Variants in PSMA6 observed in about 807,000 individuals in gnomAD.
The protein encoded by PSMA6 is proteasome 20S subunit alpha 6.
For missense variants in PSMA6, 170 were observed against 294.8 expected, an observed-to-expected ratio of 0.58 and a Z score of 3.10; for synonymous variants, 88 against 97.7, an observed-to-expected ratio of 0.90 and a Z score of 0.59.
upstream of PSMA6, among the ~76,000 whole-genome samples, chr14:35,287,450 C>T (rs2051431994): frequency 6.6e-6 from 1 of 152,118 alleles, no homozygotes; most frequent in African/African-American, 2.4e-5. Context: ...CTCACTGAAA[C>T]TGCCGGCAGA....
chr14:35,309,050 TTTCTTCA>T, intron 3 of PSMA6, 55 bp downstream of exon 3: 1 of 1,285,290 alleles, frequency 7.8e-7, no homozygotes, highest in Admixed American at 2.2e-5. Context: ...CTTTTGTTAT[TTTCTTCA>T]AATTATTTTG....
upstream of PSMA6, among the ~76,000 whole-genome samples, chr14:35,290,185 A>G (rs1459161135): frequency 6.6e-6 from 1 of 152,206 alleles, no homozygotes; most frequent in Admixed American, 6.5e-5. Context: ...GGGTCCAGCT[A>G]GAGACCTAAA....
upstream of PSMA6, among the ~76,000 whole-genome samples, chr14:35,291,771 C>T (rs1030859550): frequency 2.1e-5 from 3 of 143,834 alleles, no homozygotes; most frequent in African/African-American, 7.9e-5. Context: ...TGCAGTCAGC[C>T]GAGATCGCGC....
chr14:35,292,738 G>A (rs2051510061), intron 1 of PSMA6, 186 bp downstream of exon 1: 3 of 1,115,076 alleles, frequency 2.7e-6, no homozygotes, highest in East Asian at 2.6e-5. Flanking sequence ...GGGATCGGGG[G>A]CCTGAAGGCC....
At chr14:35,289,175 G>T (rs2051451226), upstream of PSMA6, among the ~76,000 whole-genome samples, 1 of 152,130 alleles carries the variant, frequency 6.6e-6, no homozygotes, top group Non-Finnish European at 1.5e-5. Flanking sequence ...CACCATTAGG[G>T]ATTCATTCAT....
intron 3 of PSMA6, 40 bp downstream of exon 3, chr14:35,309,035 C>G (rs1164819525): frequency 5.2e-6 from 7 of 1,357,632 alleles, no homozygotes; most frequent in Non-Finnish European, 7.2e-6. Flanking sequence ...TGTAGATATA[C>G]AAGCCTTTTG....
intron 1 of PSMA6, among the ~76,000 whole-genome samples, chr14:35,298,542 A>G (rs2051644078): frequency 6.6e-6 from 1 of 152,076 alleles, no homozygotes; most frequent in Non-Finnish European, 1.5e-5. Context: ...TTTCTTGCAT[A>G]ATCTTGGACA....
upstream of PSMA6, among the ~76,000 whole-genome samples, chr14:35,287,897 T>C (rs2051438224): frequency 6.7e-6 from 1 of 149,288 alleles, no homozygotes; most frequent in African/African-American, 2.5e-5. Flanking sequence ...CGTTGGCACA[T>C]ATTCACGAAG....
At chr14:35,283,019 T>A (rs1228614861) in intron 1 of PSMA6, among the ~76,000 whole-genome samples, 1 of 151,954 alleles carries the variant, frequency 6.6e-6, no homozygotes, top group Non-Finnish European at 1.5e-5. Flanking sequence ...ATTTTTTGTA[T>A]TTTTTAGTGG....
At chr14:35,295,627 G>C (rs2051571351) in intron 1 of PSMA6, among the ~76,000 whole-genome samples, 1 of 151,754 alleles carries the variant, frequency 6.6e-6, no homozygotes, top group Non-Finnish European at 1.5e-5. Flanking sequence ...TAATTTTGCA[G>C]TTTTAATAGA....
chr14:35,291,908 T>C (rs1278908146), upstream of PSMA6, among the ~76,000 whole-genome samples: 1 of 150,478 alleles, frequency 6.6e-6, no homozygotes, highest in Non-Finnish European at 1.5e-5. Flanking sequence ...CAGAAAATAA[T>C]GTTCTTTCCA....
At chr14:35,317,099 TG>T in intron 6 of PSMA6, 149 bp from the exon 7 acceptor site, 1 of 603,250 alleles carries the variant, frequency 1.7e-6, no homozygotes, top group Non-Finnish European at 3.0e-6. Flanking sequence ...GATAAGTGTG[TG>T]TATAGATTTT....
Position 35,317,409 on chromosome 14 carries a change from C to T in PSMA6, c.*103C>T. ...CCCTGGATTGAAAAAGGAGCCTCTC[C>T]CACTCCTCCTACCACCGAAGTGGTT... On this transcript the variant is annotated 3_prime_UTR_variant, in exon 7 of 7. Transcript: ENST00000261479. 6 of 1,002,200 alleles carry T rather than the reference C, an allele frequency of 6.0e-6. No individual in the cohort carries two copies. In the South Asian group the frequency reaches 8.3e-5, roughly 14 times the overall value. 62.1% of individuals were successfully genotyped at this position (1,002,200 alleles called of 1,614,324 possible). A position where few individuals can be genotyped will look rare whatever the true frequency, so the allele number is the denominator to read the frequency against.
chr14:35,289,971 A>AGGG (rs1184179905), upstream of PSMA6, among the ~76,000 whole-genome samples: 1 of 150,144 alleles, frequency 6.7e-6, no homozygotes, highest in Non-Finnish European at 1.5e-5. Context: ...ATGAAGGCAG[A>AGGG]GGGGGAGAAG....
chr14:35,308,219 C>A, intron 2 of PSMA6, 131 bp downstream of exon 2: 2 of 1,219,004 alleles, frequency 1.6e-6, no homozygotes, highest in Non-Finnish European at 2.2e-6. Flanking sequence ...ATCGGGAGTT[C>A]TAGACCAGCG....
At chr14:35,290,738 ACTATC>A (rs756859694), upstream of PSMA6, among the ~76,000 whole-genome samples, 7 of 152,198 alleles carry the variant, frequency 4.6e-5, no homozygotes, top group Non-Finnish European at 1.0e-4. Context: ...GAGAAAAACA[ACTATC>A]CTAACATTAT....
At chr14:35,307,093 A>AG (rs1197914960) in intron 1 of PSMA6, among the ~76,000 whole-genome samples, 1 of 152,186 alleles carries the variant, frequency 6.6e-6, no homozygotes, top group African/African-American at 2.4e-5. Flanking sequence ...GGTTGTAGTA[A>AG]GCCAAGATCG....
intron 1 of PSMA6, among the ~76,000 whole-genome samples, chr14:35,295,747 C>T (rs993267915): frequency 1.3e-5 from 2 of 152,138 alleles, no homozygotes; most frequent in African/African-American, 2.4e-5. Context: ...CCATTGCGCT[C>T]GGCCTGAAAT....
chr14:35,312,811 C>T (rs2051970079), intron 4 of PSMA6, 70 bp from the exon 5 acceptor site: 4 of 1,377,974 alleles, frequency 2.9e-6, no homozygotes, highest in Non-Finnish European at 3.9e-6. Flanking sequence ...AGCTATGTGA[C>T]ACCACCAAGA....
Sources: gnomAD v4.1 joint callset for allele counts (sites outside exome capture counted in the v4.1 genomes callset) on GRCh38, gnomAD v4.1.1 for gene constraint, MANE v1.5 for transcripts, NCBI Gene and HGNC (gene_info 2026-07-23, HGNC 2026-07-21) for gene names.